Variants in MYH11 observed in about 807,000 individuals in gnomAD.
The protein encoded by MYH11 is myosin-11.
Under a neutral mutation model 246.6 loss-of-function variants are expected in MYH11, and 80 were observed. The ratio of observed to expected loss-of-function variants is 0.32; its 90% CI spans 0.27 to 0.39. The LOEUF (loss-of-function observed/expected upper bound fraction) is 0.39. Among genes scored for constraint, MYH11 ranks in the 10% least tolerant of loss-of-function variants. The probability of loss-of-function intolerance (pLI) is 1.00; values close to 1 mark genes in which losing one functional copy is unlikely to be tolerated. For synonymous variants in MYH11, 1,071 were observed against 1,015.5 expected (o/e 1.05, Z -1.04); for missense variants, 2,158 against 2,546.8 (o/e 0.85, Z 3.29).
At chr16:15,728,374 A>C (rs2040860804) in intron 27 of MYH11, among the ~76,000 whole-genome samples, 2 of 145,130 alleles carry the variant, frequency 1.4e-5, no homozygotes, top group South Asian at 4.1e-4. Context: ...AAACAAAAAC[A>C]AAAAACCAAC....
intron 38 of MYH11, among the ~76,000 whole-genome samples, chr16:15,716,004 G>A (rs893644044): frequency 6.6e-6 from 1 of 152,144 alleles, no homozygotes; most frequent in African/African-American, 2.4e-5. Context: ...GTGTGCACCT[G>A]TAGTCCCAGC....
chr16:15,758,079 C>T (rs993351155), intron 12 of MYH11, 79 bp from the exon 13 acceptor site: 22 of 1,599,428 alleles, frequency 1.4e-5, no homozygotes, highest in Non-Finnish European at 1.5e-5. Flanking sequence ...GAAGCTCCAC[C>T]CGACAGCGCC....
In MYH11 at chr16:15,750,316, C is replaced by G. The variant is rs1458091563; in HGVS notation, c.1880G>C (p.Gly627Ala). The G allele has an allele frequency of 6.2e-7, 1 of 1,606,644 alleles. No individual in the cohort carries two copies. Among genetic ancestry groups the G allele is most frequent in the Admixed American group, 1.7e-5 (1 of 58,396 alleles). ...DLWKDVDRIV[G>A]LDQMAKMTES... ...CGTCATCTTGGCCATCTGGTCCAGG[C>G]CCACGATGCGGTCCACTATGGGGCA... The change falls in exon 16 of 41, where the codon GGC (glycine) becomes GCC (alanine). Residue 627 changes from glycine (G) to alanine (A), a missense_variant. Transcript: ENST00000300036. The surrounding 1 kb of genome is among the most constrained non-coding windows in gnomAD (Gnocchi z 4.3).
chr16:15,835,674 G>A (rs139434269), intron 2 of MYH11, among the ~76,000 whole-genome samples: 3 of 151,598 alleles, frequency 2.0e-5, no homozygotes, highest in East Asian at 3.9e-4. Flanking sequence ...TTCAGTGCCT[G>A]CACTTAACAT....
chr16:15,764,778 A>G (rs1163845113), intron 9 of MYH11, among the ~76,000 whole-genome samples: 1 of 152,152 alleles, frequency 6.6e-6, no homozygotes. Context: ...GGCATACACA[A>G]TTTTCTCCAT....
rs759387362 is a variant in MYH11 at position 15,703,837 on chromosome 16, G to T, written c.*154C>A. ...GGTTTTTATATTCCTTGTGTGAGGG[G>T]TGTCTGTGATATTTGGAATTTGAGA... On this transcript the variant is annotated 3_prime_UTR_variant, in exon 41 of 41. Transcript: ENST00000300036. 1.2e-5 allele frequency: 12 copies of T among 1,003,700 alleles called. No homozygotes were observed. In the African/African-American group the frequency reaches 1.8e-4, roughly 15 times the overall value. The allele number at this position is 1,003,700 out of a possible 1,614,324, so 62.2% of individuals were successfully genotyped here.
chr16:15,817,614 C>T (rs1596892924), intron 3 of MYH11, among the ~76,000 whole-genome samples: 1 of 152,194 alleles, frequency 6.6e-6, no homozygotes, highest in African/African-American at 2.4e-5. Context: ...CCCATACCCT[C>T]AAGGGGCTTG....
At chr16:15,823,656 A>G (rs2043477850) in intron 2 of MYH11, among the ~76,000 whole-genome samples, 1 of 151,896 alleles carries the variant, frequency 6.6e-6, no homozygotes, top group Admixed American at 6.6e-5. Flanking sequence ...ATGGGGTCTC[A>G]CTCTGTCACC....
At position 15,720,902 on chromosome 16, in the gene MYH11, G is replaced by A. The variant is rs765435868; in HGVS notation, c.4728C>T (p.Phe1576=). 14 of 1,613,704 alleles carry A rather than the reference G, an allele frequency of 8.7e-6. No homozygotes were observed. Among genetic ancestry groups the A allele is most frequent in the African/African-American group, 2.7e-5 (2 of 74,804 alleles). ...EVNMQALKGQ[F]ERDLQARDEQ... is the part of the protein sequence containing the mutation. Reference sequence around the variant, plus strand: ...CGTCCCGGGCTTGGAGATCCCTTTCGAACTGGCCCTTGAGCGCCTGCATGT... The same window carrying A: ...CGTCCCGGGCTTGGAGATCCCTTTCAAACTGGCCCTTGAGCGCCTGCATGT... Residue 1576 remains phenylalanine, a synonymous_variant, in exon 33 of 41, where the codon TTC becomes TTT. Coordinates refer to ENST00000300036, the MANE Select transcript of MYH11 (RefSeq NM_002474.3).
chr16:15,812,317 C>G (rs1033857096), intron 3 of MYH11, among the ~76,000 whole-genome samples: 3 of 152,018 alleles, frequency 2.0e-5, no homozygotes, highest in Admixed American at 2.0e-4. Context: ...ACCCAATAAA[C>G]CTTGTAAGCA....
At chr16:15,804,436 C>T (rs1202079393) in intron 3 of MYH11, among the ~76,000 whole-genome samples, 1 of 152,066 alleles carries the variant, frequency 6.6e-6, no homozygotes, top group Non-Finnish European at 1.5e-5. Context: ...GCAGGAGAAT[C>T]GCGTGAACCA....
intron 1 of MYH11, among the ~76,000 whole-genome samples, chr16:15,844,529 A>C (rs764206187): frequency 1.1e-4 from 17 of 152,130 alleles, no homozygotes; most frequent in Non-Finnish European, 2.1e-4. Flanking sequence ...ATAAAATACA[A>C]ACAAAAAGGA....
At chr16:15,784,637 G>T in intron 5 of MYH11, 1 of 1,586,802 alleles carries the variant, frequency 6.3e-7, no homozygotes, top group Admixed American at 1.7e-5. Flanking sequence ...AGAGGATCAT[G>T]CAGATCTAAG....
In MYH11 at chr16:15,750,009, G is replaced by C; in HGVS notation, c.2058+129C>G. 1 of 1,146,568 alleles carries C rather than the reference G, an allele frequency of 8.7e-7. No homozygotes were observed. The highest frequency in any genetic ancestry group is 1.3e-6 in the Non-Finnish European group (1 of 791,852). 71.0% of individuals were successfully genotyped at this position (1,146,568 alleles called of 1,614,324 possible). A position where few individuals can be genotyped will look rare whatever the true frequency, so the allele number is the denominator to read the frequency against. Reference sequence around the variant, plus strand: ...GGATGGGGAATGGGTCTGAGATTCAGATAGCCTTCCCCACATGGAAAATGG... The same window carrying C: ...GGATGGGGAATGGGTCTGAGATTCACATAGCCTTCCCCACATGGAAAATGG... On this transcript the variant is annotated intron_variant, in intron 16 of 40. Coordinates refer to ENST00000300036, the MANE Select transcript of MYH11 (RefSeq NM_002474.3). The surrounding 1 kb of genome is among the most constrained non-coding windows in gnomAD (Gnocchi z 4.3).
At chr16:15,764,934 G>C (rs60150942) in intron 9 of MYH11, among the ~76,000 whole-genome samples, 1 of 152,122 alleles carries the variant, frequency 6.6e-6, no homozygotes, top group Non-Finnish European at 1.5e-5. Flanking sequence ...AAACAAAAAC[G>C]CTGTGTTCCC....
chr16:15,770,142 C>T (rs2042066796), intron 9 of MYH11, among the ~76,000 whole-genome samples: 1 of 152,154 alleles, frequency 6.6e-6, no homozygotes, highest in Non-Finnish European at 1.5e-5. Context: ...CTTGGAGGGC[C>T]TATGTCATTC....
At chr16:15,746,317 T>C (rs971823169) in intron 19 of MYH11, among the ~76,000 whole-genome samples, 22 of 152,144 alleles carry the variant, frequency 1.4e-4, no homozygotes, top group African/African-American at 5.3e-4. Context: ...TATCGATAGA[T>C]TGAGAAACGA....
At chr16:15,761,149 C>T (rs1270816774) in intron 10 of MYH11, among the ~76,000 whole-genome samples, 2 of 152,096 alleles carry the variant, frequency 1.3e-5, no homozygotes, top group Admixed American at 6.5e-5. Context: ...CTCGCTCTGT[C>T]GCCCAGGCTG....
At chr16:15,741,420 A>C in intron 22 of MYH11, 43 bp downstream of exon 22, 1 of 1,595,678 alleles carries the variant, frequency 6.3e-7, no homozygotes, top group Non-Finnish European at 8.5e-7. Flanking sequence ...GTGAGGGTCA[A>C]GTGATTTGCT....
Sources: gnomAD v4.1 joint callset for allele counts (sites outside exome capture counted in the v4.1 genomes callset) on GRCh38, gnomAD v4.1.1 for gene constraint, Gnocchi (gnomAD v3.1) non-coding constraint, MANE v1.5 for transcripts, NCBI Gene and HGNC (gene_info 2026-07-23, HGNC 2026-07-21) for gene names.